GLIS3: variants seen among roughly 807,000 people sequenced by gnomAD.
GLIS3 encodes the protein GLIS family zinc finger 3.
Under a neutral mutation model 78.6 loss-of-function variants are expected in GLIS3, and 53 were observed. The observed-to-expected ratio is 0.67, with a 90% confidence interval of 0.54 to 0.85. The LOEUF (loss-of-function observed/expected upper bound fraction) is 0.85. Among genes scored for constraint, GLIS3 ranks in the 40% least tolerant of loss-of-function variants. The probability of loss-of-function intolerance (pLI) is 0.00; values close to 1 mark genes in which losing one functional copy is unlikely to be tolerated. For synonymous variants in GLIS3, 684 were observed against 509.9 expected, an observed-to-expected ratio of 1.34 and a Z score of -4.60; for missense variants, 1,703 against 1,231.1, an observed-to-expected ratio of 1.38 and a Z score of -5.74.
At chr9:4,194,513 A>G (rs533748269) in intron 2 of GLIS3, among the ~76,000 whole-genome samples, 2 of 152,364 alleles carry the variant, frequency 1.3e-5, no homozygotes, top group East Asian at 1.9e-4. Context: ...AAATCTGCCT[A>G]TGTGAGAGGA....
the GLIS3 span, among the ~76,000 whole-genome samples, chr9:4,381,765 C>T: frequency 6.6e-6 from 1 of 152,212 alleles, no homozygotes; most frequent in African/African-American, 2.4e-5. Flanking sequence ...ACTCCATTTT[C>T]CAGACTCCTT....
At chr9:4,149,343 G>C (rs762948069) in intron 2 of GLIS3, among the ~76,000 whole-genome samples, 1 of 152,190 alleles carries the variant, frequency 6.6e-6, no homozygotes, top group African/African-American at 2.4e-5. Context: ...CCTGCTAAGA[G>C]TGAGTATTCA....
the GLIS3 span, among the ~76,000 whole-genome samples, chr9:4,437,443 T>G: frequency 3.9e-5 from 6 of 151,952 alleles, no homozygotes; most frequent in African/African-American, 9.7e-5. Flanking sequence ...TATCTATCTA[T>G]CTATCTATCT....
chr9:4,137,351 A>G (rs766930992), intron 2 of GLIS3, among the ~76,000 whole-genome samples: 4 of 152,184 alleles, frequency 2.6e-5, no homozygotes, highest in Non-Finnish European at 4.4e-5. Context: ...TTTATCCCAC[A>G]AAGAACATAA....
At chr9:4,408,266 T>G in the GLIS3 span, among the ~76,000 whole-genome samples, 1 of 152,086 alleles carries the variant, frequency 6.6e-6, no homozygotes, top group Admixed American at 6.5e-5. Flanking sequence ...CTGCTGAGTA[T>G]ATATCCGAAA....
intron 4 of GLIS3, among the ~76,000 whole-genome samples, chr9:3,949,468 G>C (rs898349855): frequency 2.6e-5 from 4 of 152,164 alleles, no homozygotes; most frequent in African/African-American, 7.2e-5. Context: ...GACAATTCTA[G>C]AAGAACCTAC....
intron 4 of GLIS3, among the ~76,000 whole-genome samples, chr9:4,055,208 A>G (rs772396559): frequency 6.6e-6 from 1 of 152,190 alleles, no homozygotes; most frequent in Non-Finnish European, 1.5e-5. Context: ...CTTGACATCA[A>G]TAGAGTTGGC....
chr9:3,894,385 C>A (rs1249761899), intron 7 of GLIS3, among the ~76,000 whole-genome samples: 1 of 152,168 alleles, frequency 6.6e-6, no homozygotes, highest in African/African-American at 2.4e-5. Flanking sequence ...CTATATGAAG[C>A]ACTTTTACAG....
At chr9:4,173,756 C>T (rs1816583209) in intron 2 of GLIS3, among the ~76,000 whole-genome samples, 1 of 151,920 alleles carries the variant, frequency 6.6e-6, no homozygotes, top group African/African-American at 2.4e-5. Context: ...GCCACCATGC[C>T]CAGTAAGATT....
At chr9:4,359,849 C>A in the GLIS3 span, among the ~76,000 whole-genome samples, 1 of 151,956 alleles carries the variant, frequency 6.6e-6, no homozygotes, top group South Asian at 2.1e-4. Context: ...TAAAAGCGGG[C>A]ACCAATATAT....
chr9:4,202,215 A>G (rs983900921), intron 2 of GLIS3, among the ~76,000 whole-genome samples: 3 of 146,688 alleles, frequency 2.0e-5, no homozygotes, highest in African/African-American at 5.0e-5. Flanking sequence ...CAGTGGCACA[A>G]TCTCGGCTCA....
intron 4 of GLIS3, among the ~76,000 whole-genome samples, chr9:4,052,172 A>G (rs181447417): frequency 6.6e-6 from 1 of 152,336 alleles, no homozygotes; most frequent in Non-Finnish European, 1.5e-5. Context: ...GGAGTGGCCT[A>G]AATAAATACC....
chr9:4,445,498 G>T, the GLIS3 span, among the ~76,000 whole-genome samples: 1 of 152,156 alleles, frequency 6.6e-6, no homozygotes, highest in East Asian at 1.9e-4. Context: ...GCTAGGCATG[G>T]TGGCACATGC....
chr9:4,248,568 G>C (rs569119321), intron 2 of GLIS3, among the ~76,000 whole-genome samples: 1 of 152,234 alleles, frequency 6.6e-6, no homozygotes, highest in East Asian at 1.9e-4. Context: ...ATGTGTCTTT[G>C]TAGTAGAATG....
rs150043766 is a variant in GLIS3 at position 3,882,866 on chromosome 9, T to A, written c.2129-3271A>T. Among the ~76,000 whole-genome samples, 18 of 152,310 alleles carry A rather than the reference T, an allele frequency of 1.2e-4. No homozygotes were observed. The East Asian group carries it at 3.3e-3, about 28-fold the overall frequency. On this transcript the variant is annotated intron_variant, in intron 7 of 10. Coordinates refer to ENST00000381971, the MANE Select transcript of GLIS3 (RefSeq NM_001042413.2). Reference sequence around the variant, plus strand: ...GTCTATGACTTGCCTTTACTTTCTATAGTATAGGAAAATCTTACTTCTGGT... The same window carrying A: ...GTCTATGACTTGCCTTTACTTTCTAAAGTATAGGAAAATCTTACTTCTGGT...
At chr9:3,947,378 A>G (rs1263453661) in intron 4 of GLIS3, among the ~76,000 whole-genome samples, 1 of 152,248 alleles carries the variant, frequency 6.6e-6, no homozygotes, top group Non-Finnish European at 1.5e-5. Context: ...AACAGAATGT[A>G]TGCTAACATA....
intron 4 of GLIS3, among the ~76,000 whole-genome samples, chr9:4,093,755 G>A (rs188072267): frequency 6.6e-6 from 1 of 152,288 alleles, no homozygotes; most frequent in East Asian, 1.9e-4. Context: ...GCAGTTATGT[G>A]TGCTGGATTT....
upstream of GLIS3, among the ~76,000 whole-genome samples, chr9:4,349,518 C>G (rs537903142): frequency 5.3e-5 from 8 of 151,904 alleles, no homozygotes; most frequent in East Asian, 1.5e-3. Context: ...GGTCATTGCA[C>G]AGAAAAAAAT....
chr9:4,459,071 T>A, the GLIS3 span, among the ~76,000 whole-genome samples: 1 of 152,076 alleles, frequency 6.6e-6, no homozygotes, highest in African/African-American at 2.4e-5. Flanking sequence ...AGAAACATGA[T>A]CTGATTTATG....
Sources: gnomAD v4.1 joint callset for allele counts (sites outside exome capture counted in the v4.1 genomes callset) on GRCh38, gnomAD v4.1.1 for gene constraint, MANE v1.5 for transcripts, NCBI Gene and HGNC (gene_info 2026-07-23, HGNC 2026-07-21) for gene names.